The following RABGAP1L variants were observed in gnomAD, a reference collection of about 807,000 sequenced individuals.
RABGAP1L encodes RAB GTPase activating protein 1 like, also known as rab GTPase-activating protein 1-like.
A neutral mutation model predicts 137.7 loss-of-function variants in RABGAP1L; 63 were observed. That is an observed-to-expected ratio of 0.46 (90% CI 0.37 to 0.56). RABGAP1L has a LOEUF of 0.56. Ranked by LOEUF, RABGAP1L falls within the 20% of genes least tolerant of loss-of-function variation. The probability of loss-of-function intolerance (pLI) is 0.00; values close to 1 mark genes in which losing one functional copy is unlikely to be tolerated. For missense variants in RABGAP1L, 1,095 were observed against 1,244.0 expected (o/e 0.88, Z 1.80); for synonymous variants, 431 against 433.7 (o/e 0.99, Z 0.08).
rs1173271171 is a variant in RABGAP1L, at chr1:174,811,847, C to T, written c.2227C>T (p.Leu743Phe). The T allele has an allele frequency of 5.0e-6, 8 of 1,595,388 alleles. No individual in the cohort carries two copies. In the African/African-American group the frequency reaches 6.7e-5, roughly 13 times the overall value. ...LALLKTSKEDLLQADFEGALK... is the reference protein window; with the variant it reads ...LALLKTSKEDFLQADFEGALK... ...TATTTTGCAGACCTCAAAGGAAGAC[C>T]TTCTGCAGGCTGATTTTGAAGGTGC... Residue 743 changes from leucine (L) to phenylalanine (F), a missense_variant, in exon 19 of 26, where the codon CTT becomes TTT. This residue lies in a region of RABGAP1L where 312 missense variants were observed against 435.6 expected (regional missense o/e 0.72). Transcript: ENST00000681986.
intron 13 of RABGAP1L, among the ~76,000 whole-genome samples, chr1:174,434,230 A>G (rs1157563764): frequency 6.6e-6 from 1 of 152,020 alleles, no homozygotes. Context: ...ATATAAAATC[A>G]TGCAATGTGT....
intron 1 of RABGAP1L, among the ~76,000 whole-genome samples, chr1:174,204,426 C>T (rs1431777956): frequency 6.6e-6 from 1 of 152,138 alleles, no homozygotes. Flanking sequence ...ATTGCTCTGG[C>T]TAGGACTTCC....
chr1:174,624,235 G>T (rs918425317), intron 13 of RABGAP1L, among the ~76,000 whole-genome samples: 1 of 152,134 alleles, frequency 6.6e-6, no homozygotes, highest in African/African-American at 2.4e-5. Flanking sequence ...GTTGAGCCCA[G>T]CCCAGGCCCC....
At chr1:174,488,820 G>T (rs1039757949) in intron 13 of RABGAP1L, among the ~76,000 whole-genome samples, 2 of 151,562 alleles carry the variant, frequency 1.3e-5, no homozygotes, top group African/African-American at 2.4e-5. Flanking sequence ...CAACATGCAG[G>T]TTAGTTACAT....
intron 19 of RABGAP1L, among the ~76,000 whole-genome samples, chr1:174,857,977 C>T (rs991831958): frequency 2.0e-5 from 3 of 152,092 alleles, no homozygotes; most frequent in Admixed American, 6.6e-5. Context: ...TGAAAAACAA[C>T]TCCTCTCTAT....
chr1:174,627,730 G>T (rs962462788), intron 13 of RABGAP1L, among the ~76,000 whole-genome samples: 5 of 152,208 alleles, frequency 3.3e-5, no homozygotes, highest in Non-Finnish European at 7.4e-5. Flanking sequence ...TCTCTGTGAT[G>T]ATAATGTCAA....
At chr1:174,502,482 A>G (rs1661372700) in intron 13 of RABGAP1L, among the ~76,000 whole-genome samples, 1 of 151,034 alleles carries the variant, frequency 6.6e-6, no homozygotes, top group Admixed American at 6.6e-5. Flanking sequence ...GAATACCTTT[A>G]TTGTGAATGA....
intron 13 of RABGAP1L, among the ~76,000 whole-genome samples, chr1:174,550,842 A>C (rs371607448): frequency 1.6e-5 from 2 of 127,042 alleles, no homozygotes; most frequent in African/African-American, 3.1e-5. Flanking sequence ...ACACGGTGAA[A>C]CCCCGTCTCT....
chr1:174,305,937 C>T lies in RABGAP1L; in HGVS notation c.1465+810C>T, dbSNP rs970506210. On this transcript the variant is annotated intron_variant, in intron 11 of 25. Coordinates refer to ENST00000681986, the MANE Select transcript of RABGAP1L (RefSeq NM_001366446.1). The stretch of plus-strand genomic sequence containing the variant: ...CCCCTCCTCCCACCCTATAACAGGC[C>T]GCAGTGTGTGATGTTCCCTTCCTGT... 3.3e-5 allele frequency among the ~76,000 whole-genome samples: 5 copies of T among 152,034 alleles called. No individual in the cohort carries two copies. The South Asian group carries it at 6.2e-4, about 19-fold the overall frequency.
chr1:174,216,657 AT>A (rs1669350355), intron 1 of RABGAP1L, among the ~76,000 whole-genome samples: 1 of 149,544 alleles, frequency 6.7e-6, no homozygotes, highest in Admixed American at 6.7e-5. Context: ...ATAGATCCAC[AT>A]TTTTGACCTA....
intron 18 of RABGAP1L, among the ~76,000 whole-genome samples, chr1:174,781,789 A>G (rs1687033303): frequency 6.6e-6 from 1 of 152,228 alleles, no homozygotes; most frequent in Non-Finnish European, 1.5e-5. Context: ...ACATATGGCT[A>G]GCCAGTTTTC....
At chr1:174,393,920 A>G in intron 12 of RABGAP1L, 75 bp from the exon 13 acceptor site, 5 of 1,498,332 alleles carry the variant, frequency 3.3e-6, no homozygotes, top group Non-Finnish European at 3.6e-6. Context: ...TATATAAACT[A>G]GTATACTTTT....
At chr1:174,834,939 T>G (rs1453820659) in intron 19 of RABGAP1L, among the ~76,000 whole-genome samples, 1 of 152,178 alleles carries the variant, frequency 6.6e-6, no homozygotes, top group Non-Finnish European at 1.5e-5. Context: ...GAGTTTGAAT[T>G]GTATCCTGCA....
At chr1:174,386,638 G>C (rs1260438361) in intron 12 of RABGAP1L, among the ~76,000 whole-genome samples, 2 of 151,978 alleles carry the variant, frequency 1.3e-5, no homozygotes, top group Non-Finnish European at 2.9e-5. Context: ...CTCCTGGGTA[G>C]CTGGGATTAC....
intron 19 of RABGAP1L, among the ~76,000 whole-genome samples, chr1:174,868,660 T>C (rs1320052360): frequency 6.6e-6 from 1 of 152,192 alleles, no homozygotes; most frequent in Non-Finnish European, 1.5e-5. Flanking sequence ...ATTAATATCA[T>C]TATATAACAA....
chr1:174,325,808 G>T (rs1229564826), intron 11 of RABGAP1L, among the ~76,000 whole-genome samples: 1 of 152,152 alleles, frequency 6.6e-6, no homozygotes, highest in Non-Finnish European at 1.5e-5. Context: ...CTTGGAAGTG[G>T]CTCATGATAC....
intron 13 of RABGAP1L, among the ~76,000 whole-genome samples, chr1:174,574,039 A>G (rs993077336): frequency 1.3e-5 from 2 of 152,250 alleles, no homozygotes; most frequent in Non-Finnish European, 2.9e-5. Flanking sequence ...GCTGATTAAC[A>G]TACACATAAG....
intron 14 of RABGAP1L, among the ~76,000 whole-genome samples, chr1:174,646,724 G>A (rs1206170101): frequency 1.3e-5 from 2 of 152,144 alleles, no homozygotes; most frequent in Non-Finnish European, 2.9e-5. Flanking sequence ...GAAATTTAAA[G>A]TAGTTTTTTC....
Position 174,349,150 on chromosome 1 carries a change from G to C in RABGAP1L, c.1466-21829G>C, listed in dbSNP as rs1340344552. On this transcript the variant is annotated intron_variant, in intron 11 of 25. Coordinates refer to ENST00000681986, the MANE Select transcript of RABGAP1L (RefSeq NM_001366446.1). ...ACGGGGCGGCTGGCCGGGCAGAGGG[G>C]CTCCTCACTTCCCAGTAGGGGCGGC... Among the ~76,000 whole-genome samples, 17 of 127,970 alleles carry C rather than the reference G, an allele frequency of 1.3e-4. 1 individual carries two copies. The highest frequency in any genetic ancestry group is 4.5e-4 in the Admixed American group (6 of 13,470). The allele number at this position is 127,970 out of a possible 152,430, so 84.0% of individuals were successfully genotyped here. A position where few individuals can be genotyped will look rare whatever the true frequency, so the allele number is the denominator to read the frequency against.
Sources: allele counts gnomAD v4.1 joint callset (sites outside exome capture counted in the v4.1 genomes callset), GRCh38; gene constraint gnomAD v4.1.1; regional missense constraint gnomAD v4.1.1; transcripts MANE v1.5; gene names NCBI Gene and HGNC (gene_info 2026-07-23, HGNC 2026-07-21).